The following ANKDD1A variants were observed in gnomAD, a reference collection of about 807,000 sequenced individuals.
ANKDD1A encodes ankyrin repeat and death domain containing 1A.
Under a neutral mutation model 63.5 loss-of-function variants are expected in ANKDD1A, and 59 were observed. The ratio of observed to expected loss-of-function variants is 0.93; its 90% CI spans 0.75 to 1.15. The LOEUF is 1.15. Ranked by LOEUF, ANKDD1A falls within the 50% of genes most tolerant of loss-of-function variation. The pLI is 0.00. For synonymous variants in ANKDD1A, 266 were observed against 263.9 expected (o/e 1.01, Z -0.08); for missense variants, 632 against 656.4 (o/e 0.96, Z 0.41).
At chr15:64,953,568 T>TCTTTCTTCCTC (rs2085347465) in intron 14 of ANKDD1A, among the ~76,000 whole-genome samples, 237 of 145,360 alleles carry the variant, frequency 1.6e-3, no homozygotes, top group Middle Eastern at 3.7e-3. Context: ...TCTTCCTCCT[T>TCTTTCTTCCTC]CTTCTTAGTT....
At chr15:64,952,332 CT>C (rs1169662268) in intron 14 of ANKDD1A, among the ~76,000 whole-genome samples, 1 of 22,056 alleles carries the variant, frequency 4.5e-5, no homozygotes, top group Admixed American at 7.1e-4. Flanking sequence ...TTCCTTCTTC[CT>C]TCTCCTTCTT....
chr15:64,945,755 C>T, intron 12 of ANKDD1A, among the ~76,000 whole-genome samples: 1 of 150,674 alleles, frequency 6.6e-6, no homozygotes, highest in Non-Finnish European at 1.5e-5. Context: ...GTCTTAGCCT[C>T]CCAAGTAGCT....
chr15:64,916,191 C>T (rs1247442096), intron 2 of ANKDD1A, among the ~76,000 whole-genome samples: 2 of 152,138 alleles, frequency 1.3e-5, no homozygotes, highest in African/African-American at 4.8e-5. Flanking sequence ...CCAGGAGGGC[C>T]AGGGTCAAAG....
At chr15:64,941,985 T>C (rs1019804571) in intron 9 of ANKDD1A, among the ~76,000 whole-genome samples, 3 of 152,202 alleles carry the variant, frequency 2.0e-5, no homozygotes, top group African/African-American at 7.2e-5. Context: ...ATCGTTCCTA[T>C]TAGCTAAGTA....
intron 1 of ANKDD1A, among the ~76,000 whole-genome samples, chr15:64,912,339 C>A (rs1369948431): frequency 6.6e-6 from 1 of 152,214 alleles, no homozygotes; most frequent in Non-Finnish European, 1.5e-5. Flanking sequence ...ATCTTCATTT[C>A]GCAGATGAGA....
chr15:64,922,088 C>T (rs2085011748), intron 4 of ANKDD1A, 69 bp downstream of exon 4: 1 of 1,418,702 alleles, frequency 7.0e-7, no homozygotes, highest in Admixed American at 1.9e-5. Flanking sequence ...TCTCCCCCGA[C>T]CTCTGTCCCC....
chr15:64,951,722 C>CTTTCTT (rs2085284535), intron 14 of ANKDD1A, among the ~76,000 whole-genome samples: 2 of 3,430 alleles, frequency 5.8e-4, no homozygotes, highest in South Asian at 0.021. Flanking sequence ...TTTTTCTTCC[C>CTTTCTT]TTTTCTTCTT....
chr15:64,947,294 C>A, intron 12 of ANKDD1A, 110 bp from the exon 13 acceptor site: 1 of 1,147,456 alleles, frequency 8.7e-7, no homozygotes, highest in Non-Finnish European at 1.2e-6. Context: ...ACTCCAGCTC[C>A]CAGGCACCCC....
At position 64,932,051 on chromosome 15, in the gene ANKDD1A, C is replaced by T. The variant is rs576856549; in HGVS notation, c.768+466C>T. ...TGGGACTACAGGTGTGTGCCACTAC[C>T]CCCGGCTCATTTTTGTATTTTTTGG... On this transcript the variant is annotated intron_variant, in intron 8 of 14. Transcript: ENST00000319580. 221 of 169,492 alleles carry T rather than the reference C, an allele frequency of 1.3e-3. 1 individual carries two copies. The highest frequency in any genetic ancestry group is 2.3e-3 in the Non-Finnish European group (185 of 79,304). 10.5% of individuals were successfully genotyped at this position (169,492 alleles called of 1,614,324 possible). A position where few individuals can be genotyped will look rare whatever the true frequency, so the allele number is the denominator to read the frequency against.
At chr15:64,920,333 A>G (rs2084999357) in intron 3 of ANKDD1A, among the ~76,000 whole-genome samples, 1 of 152,102 alleles carries the variant, frequency 6.6e-6, no homozygotes, top group Non-Finnish European at 1.5e-5. Context: ...GAGGAAGAGC[A>G]CCCTGCAAAC....
At chr15:64,914,699 G>C (rs2084956692) in intron 1 of ANKDD1A, among the ~76,000 whole-genome samples, 1 of 152,200 alleles carries the variant, frequency 6.6e-6, no homozygotes, top group Admixed American at 6.5e-5. Flanking sequence ...CAAAATACTT[G>C]AAGTCTAGCC....
At position 64,954,680 on chromosome 15, in the gene ANKDD1A, TCTC is replaced by T. The variant is rs1178426058; in HGVS notation, c.1484-2422_1484-2420del. 1.4e-4 allele frequency among the ~76,000 whole-genome samples: 20 copies of T among 144,934 alleles called. No individual in the cohort carries two copies. The South Asian group carries it at 1.6e-3, about 12-fold the overall frequency. ...CTTCTTTCTTCTTGTCTCTTCTTCT[TCTC>T]TCCTTCTCCTTGTTCTTCTCCTTCT... is the stretch of plus-strand genomic sequence containing the variant. On this transcript the variant is annotated intron_variant, in intron 14 of 14. Coordinates refer to ENST00000319580, the MANE Select transcript of ANKDD1A (RefSeq NM_182703.6).
intron 14 of ANKDD1A, among the ~76,000 whole-genome samples, chr15:64,952,501 TCC>T (rs2140388356): frequency 1.1e-5 from 1 of 92,454 alleles, no homozygotes; most frequent in Admixed American, 1.3e-4. Context: ...CACCGTCTTC[TCC>T]TTCTTCTTAC....
At chr15:64,938,615 A>G (rs908911879) in intron 9 of ANKDD1A, among the ~76,000 whole-genome samples, 3 of 152,174 alleles carry the variant, frequency 2.0e-5, no homozygotes, top group Admixed American at 2.0e-4. Context: ...ACTAAATATA[A>G]TGTGGTATCC....
chr15:64,945,607 C>CTTTATATATATATATAT (rs1277861527), intron 12 of ANKDD1A, among the ~76,000 whole-genome samples: 7 of 73,866 alleles, frequency 9.5e-5, no homozygotes, highest in African/African-American at 3.7e-4. Flanking sequence ...GCATTTTCAA[C>CTTTATATATATATATAT]ATATATATAT....
intron 2 of ANKDD1A, among the ~76,000 whole-genome samples, chr15:64,917,009 T>A (rs2084972548): frequency 6.6e-6 from 1 of 152,176 alleles, no homozygotes; most frequent in African/African-American, 2.4e-5. Flanking sequence ...CATGGGGCTT[T>A]CCAGCAGGGG....
chr15:64,952,175 TCTTTC>T (rs1319604380), intron 14 of ANKDD1A, among the ~76,000 whole-genome samples: 2 of 151,256 alleles, frequency 1.3e-5, no homozygotes, highest in South Asian at 2.1e-4. Flanking sequence ...TTTTCTTTCT[TCTTTC>T]CTTCTACTTT....
At chr15:64,951,684 C>CTT (rs2085282554) in intron 14 of ANKDD1A, among the ~76,000 whole-genome samples, 3 of 6,192 alleles carry the variant, frequency 4.8e-4, no homozygotes, top group East Asian at 0.056. Flanking sequence ...TTCCTTCTTT[C>CTT]TTCTTCCTCT....
chr15:64,953,063 CTCTTTCCTTCTTTCTTCT>C lies in ANKDD1A; in HGVS notation c.1483+3096_1483+3113del, dbSNP rs1328122079. 5.8e-3 allele frequency among the ~76,000 whole-genome samples: 728 copies of C among 124,846 alleles called. 3 individuals carry two copies. The highest frequency in any genetic ancestry group is 0.02 in the African/African-American group (677 of 33,584). 81.9% of individuals were successfully genotyped at this position (124,846 alleles called of 152,430 possible). Reference sequence around the variant, plus strand: ...TTCTTCTTTCCTCTCTTTTTTCTTCCTCTTTCCTTCTTTCTTCTTCTTCCTTCTTATACTTTCTTTTCT... The same window carrying C: ...TTCTTCTTTCCTCTCTTTTTTCTTCCTCTTCCTTCTTATACTTTCTTTTCT... On this transcript the variant is annotated intron_variant, in intron 14 of 14. Coordinates refer to ENST00000319580, the MANE Select transcript of ANKDD1A (RefSeq NM_182703.6).
Sources: gnomAD v4.1 joint callset for allele counts (sites outside exome capture counted in the v4.1 genomes callset) on GRCh38, gnomAD v4.1.1 for gene constraint, MANE v1.5 for transcripts, NCBI Gene and HGNC (gene_info 2026-07-23, HGNC 2026-07-21) for gene names.